Variants in TMPRSS9 observed in about 807,000 individuals in gnomAD.
The protein encoded by TMPRSS9 is transmembrane protease serine 9.
TMPRSS9 carries 113 observed loss-of-function variants against 111.4 expected under a neutral mutation model. The observed-to-expected ratio is 1.01, with a 90% CI of 0.87 to 1.19. TMPRSS9 has a LOEUF of 1.19. Ranked by LOEUF, TMPRSS9 falls within the 50% of genes most tolerant of loss-of-function variation. The pLI is 0.00. For missense variants in TMPRSS9, 1,803 were observed against 1,513.1 expected (o/e 1.19, Z -3.18); for synonymous variants, 805 against 659.1 (o/e 1.22, Z -3.39).
upstream of TMPRSS9, among the ~76,000 whole-genome samples, chr19:2,387,306 C>T (rs1033236739): frequency 6.6e-6 from 1 of 151,972 alleles, no homozygotes; most frequent in African/African-American, 2.4e-5. Context: ...ACCAGCCTGG[C>T]CAACATGGCA....
At chr19:2,397,614 C>T (rs1329843954) in intron 2 of TMPRSS9, among the ~76,000 whole-genome samples, 5 of 152,096 alleles carry the variant, frequency 3.3e-5, no homozygotes, top group Non-Finnish European at 5.9e-5. Flanking sequence ...TCAGCAATCA[C>T]GTATTAAAAA....
intron 1 of TMPRSS9, among the ~76,000 whole-genome samples, chr19:2,391,601 CGTGTGT>C (rs10636442): frequency 6.7e-6 from 1 of 149,366 alleles, no homozygotes. Context: ...TGTGTGCATG[CGTGTGT>C]GTGTGTGTGT....
chr19:2,383,452 G>A (rs1284811694), intron 1 of TMPRSS9, among the ~76,000 whole-genome samples: 3 of 150,152 alleles, frequency 2.0e-5, no homozygotes, highest in Non-Finnish European at 4.4e-5. Context: ...AGTAGTTCCA[G>A]ACCAGCCTGG....
intron 1 of TMPRSS9, among the ~76,000 whole-genome samples, chr19:2,380,414 G>A (rs1970377062): frequency 2.0e-5 from 3 of 151,680 alleles, no homozygotes; most frequent in Admixed American, 6.6e-5. Context: ...TGGCCAACAT[G>A]GCAAAACCCC....
At chr19:2,419,856 C>T (rs1971423681) in intron 13 of TMPRSS9, among the ~76,000 whole-genome samples, 1 of 152,174 alleles carries the variant, frequency 6.6e-6, no homozygotes, top group African/African-American at 2.4e-5. Context: ...CTCAACCGTG[C>T]ACACACAGAC....
At chr19:2,423,302 G>A (rs537789910) in intron 14 of TMPRSS9, among the ~76,000 whole-genome samples, 15 of 152,070 alleles carry the variant, frequency 9.9e-5, no homozygotes, top group African/African-American at 3.4e-4. Flanking sequence ...GTTCTGTGTG[G>A]AGGTAGCTGG....
chr19:2,410,471 G>C (rs1971072668), intron 9 of TMPRSS9, 77 bp downstream of exon 10: 1 of 1,551,496 alleles, frequency 6.4e-7, no homozygotes, highest in South Asian at 1.2e-5. Context: ...GCAATTCACA[G>C]ATATCTGGAT....
chr19:2,398,275 G>A (rs774028675), intron 2 of TMPRSS9, among the ~76,000 whole-genome samples: 1 of 150,762 alleles, frequency 6.6e-6, no homozygotes, highest in Non-Finnish European at 1.5e-5. Context: ...CACCCCAGGC[G>A]ACAGAGCAAG....
rs1568189327 is a variant in TMPRSS9, at chr19:2,418,314, C to CT, written c.2154+176_2154+177insT. ...TCCTTTCCTTCCCTCCCTTTCCCTC[C>CT]CTCCCTCCCTCCCTCCCTTTCCTTC... is the stretch of plus-strand genomic sequence containing the variant. On this transcript the variant is annotated intron_variant, in intron 13 of 17. Transcript: ENST00000648592. Among the ~76,000 whole-genome samples, 9 of 37,718 alleles carry CT rather than the reference C, an allele frequency of 2.4e-4. 1 individual carries two copies. The highest frequency in any genetic ancestry group is 2.4e-3 in the African/African-American group (9 of 3,772). 24.7% of individuals were successfully genotyped at this position (37,718 alleles called of 152,430 possible). A position where few individuals can be genotyped will look rare whatever the true frequency, so the allele number is the denominator to read the frequency against.
At chr19:2,401,924 A>G in intron 4 of TMPRSS9, 51 bp from the exon 6 acceptor site, 1 of 1,577,664 alleles carries the variant, frequency 6.3e-7, no homozygotes, top group Non-Finnish European at 8.6e-7. Context: ...ATGTGTTCAA[A>G]GGGTTTTACC....
intron 6 of TMPRSS9, 37 bp from the exon 8 acceptor site, chr19:2,405,337 T>C (rs375457370): frequency 2.7e-5 from 42 of 1,555,626 alleles, no homozygotes; most frequent in Non-Finnish European, 3.5e-5. Flanking sequence ...AGGTCCTGCC[T>C]TCGTGGGGTC....
chr19:2,392,459 C>A (rs1391473913), intron 1 of TMPRSS9, among the ~76,000 whole-genome samples: 2 of 152,158 alleles, frequency 1.3e-5, no homozygotes, highest in Non-Finnish European at 2.9e-5. Flanking sequence ...GTAATCCCAG[C>A]TCTCTGGGAC....
exon 2 of TMPRSS9, chr19:2,396,651 C>T: frequency 1.2e-6 from 2 of 1,608,922 alleles, no homozygotes; most frequent in Non-Finnish European, 1.7e-6. Context: ...CGCTGACGCC[C>T]ACCCTGGAGG....
intron 1 of TMPRSS9, among the ~76,000 whole-genome samples, chr19:2,367,612 A>G (rs1270083053): frequency 1.4e-5 from 2 of 140,642 alleles, no homozygotes. Context: ...CGCCCAGGCT[A>G]GAATTCAGTG....
chr19:2,365,513 A>T (rs1410436796), intron 1 of TMPRSS9, among the ~76,000 whole-genome samples: 1 of 152,132 alleles, frequency 6.6e-6, no homozygotes, highest in Non-Finnish European at 1.5e-5. Context: ...CTGTTCTATA[A>T]ACGGGCTTTG....
chr19:2,379,625 C>CTTTCTTTCTTTCTTTCTT (rs1970367635), intron 1 of TMPRSS9, among the ~76,000 whole-genome samples: 1 of 139,872 alleles, frequency 7.1e-6, no homozygotes, highest in Admixed American at 7.3e-5. Context: ...CTCTTTCTTT[C>CTTTCTTTCTTTCTTTCTT]TTTCTTTCTT....
At chr19:2,403,122 G>A (rs1568180846) in exon 6 of TMPRSS9, 1 of 1,612,696 alleles carries the variant, frequency 6.2e-7, no homozygotes, top group Non-Finnish European at 8.5e-7. Context: ...GGAACAGCCA[G>A]TGTGTGACCA....
At chr19:2,367,868 G>T (rs1025051104) in intron 1 of TMPRSS9, among the ~76,000 whole-genome samples, 3 of 151,984 alleles carry the variant, frequency 2.0e-5, no homozygotes, top group African/African-American at 2.4e-5. Context: ...CCCAGCCCAT[G>T]ACTGGCTAAT....
At chr19:2,406,797 A>G (rs1970979271) in intron 7 of TMPRSS9, among the ~76,000 whole-genome samples, 1 of 146,602 alleles carries the variant, frequency 6.8e-6, no homozygotes, top group East Asian at 2.1e-4. Context: ...TTCTGTCGTG[A>G]TATTATCCTT....
Sources: allele counts gnomAD v4.1 joint callset (sites outside exome capture counted in the v4.1 genomes callset), GRCh38; gene constraint gnomAD v4.1.1; transcripts MANE v1.5; gene names NCBI Gene and HGNC (gene_info 2026-07-23, HGNC 2026-07-21).